The following GAREM1 variants were observed in gnomAD, a reference collection of about 807,000 sequenced individuals.
GAREM1 encodes GRB2-associated and regulator of MAPK protein 1.
Under a neutral mutation model 71.3 loss-of-function variants are expected in GAREM1, and 26 were observed. The ratio of observed to expected loss-of-function variants is 0.36; its 90% CI spans 0.27 to 0.51. The LOEUF is 0.51. Among genes scored for constraint, GAREM1 ranks in the 20% least tolerant of loss-of-function variants. GAREM1 has a pLI of 0.95. For synonymous variants in GAREM1, 440 were observed against 433.2 expected (o/e 1.02, Z -0.20); for missense variants, 1,026 against 1,103.1 (o/e 0.93, Z 0.99).
At chr18:32,306,231 TCTGGGACACCATATGCTC>T (rs1190963564) in intron 3 of GAREM1, among the ~76,000 whole-genome samples, 1 of 152,190 alleles carries the variant, frequency 6.6e-6, no homozygotes, top group Non-Finnish European at 1.5e-5. Context: ...AATCTTGGCT[TCTGGGACACCATATGCTC>T]CTGGCTGTCC....
intron 2 of GAREM1, among the ~76,000 whole-genome samples, chr18:32,385,411 T>G (rs964447941): frequency 1.3e-5 from 2 of 151,958 alleles, no homozygotes; most frequent in East Asian, 1.9e-4. Context: ...AAAGACTCTT[T>G]CCCCAGGCCT....
intron 2 of GAREM1, among the ~76,000 whole-genome samples, chr18:32,385,578 T>C (rs2048139003): frequency 2.0e-5 from 3 of 152,076 alleles, no homozygotes; most frequent in South Asian, 2.1e-4. Context: ...GTCTTATATA[T>C]CTACTTAATT....
intron 1 of GAREM1, among the ~76,000 whole-genome samples, chr18:32,468,770 T>C (rs1175335562): frequency 1.3e-5 from 2 of 152,166 alleles, no homozygotes; most frequent in African/African-American, 4.8e-5. Context: ...TGTGGCAGTG[T>C]GCAGAGATGA....
chr18:32,401,559 T>C (rs959852334), intron 1 of GAREM1, among the ~76,000 whole-genome samples: 7 of 151,012 alleles, frequency 4.6e-5, no homozygotes, highest in Non-Finnish European at 7.4e-5. Flanking sequence ...GAAGAATGAG[T>C]TGGGCTTAGA....
At chr18:32,308,844 A>G (rs2047284787) in intron 3 of GAREM1, among the ~76,000 whole-genome samples, 1 of 150,412 alleles carries the variant, frequency 6.6e-6, no homozygotes, top group South Asian at 2.1e-4. Context: ...AAGCAGCTGT[A>G]TTTTGGAACT....
intron 2 of GAREM1, among the ~76,000 whole-genome samples, chr18:32,356,996 T>C (rs2047812933): frequency 6.6e-6 from 1 of 152,172 alleles, no homozygotes; most frequent in Admixed American, 6.5e-5. Flanking sequence ...CCCCACAGCC[T>C]TCGTAGCACA....
intron 2 of GAREM1, among the ~76,000 whole-genome samples, chr18:32,313,205 G>A (rs113301736): frequency 2.3e-3 from 353 of 152,206 alleles, no homozygotes; most frequent in African/African-American, 8.1e-3. Context: ...GGATGTCACC[G>A]GGAGCAATTA....
chr18:32,396,596 A>G (rs2048259058), intron 1 of GAREM1, among the ~76,000 whole-genome samples: 1 of 152,204 alleles, frequency 6.6e-6, no homozygotes, highest in Non-Finnish European at 1.5e-5. Context: ...CGAGAAGAGA[A>G]GTTTAGAGAA....
At chr18:32,428,896 T>C (rs2048598658) in intron 1 of GAREM1, among the ~76,000 whole-genome samples, 1 of 152,136 alleles carries the variant, frequency 6.6e-6, no homozygotes, top group Non-Finnish European at 1.5e-5. Context: ...AATTCCCTGA[T>C]AGTCCTCTAT....
At position 32,309,284 on chromosome 18, in the gene GAREM1, G is replaced by A. The variant is rs770147257; in HGVS notation, c.393+909C>T. 8.7e-5 allele frequency among the ~76,000 whole-genome samples: 13 copies of A among 149,304 alleles called. 2 individuals are homozygous for A. The highest frequency in any genetic ancestry group is 2.5e-4 in the African/African-American group (10 of 40,076). On this transcript the variant is annotated intron_variant, in intron 3 of 5. Transcript: ENST00000269209. ...ACAGCAAGTCTAGTCAAAGGACCTC[G>A]GTCAACATCTGGACAAGGACTGCAC...
intron 2 of GAREM1, among the ~76,000 whole-genome samples, chr18:32,316,728 G>A (rs769790790): frequency 6.6e-6 from 1 of 152,196 alleles, no homozygotes; most frequent in Non-Finnish European, 1.5e-5. Context: ...GATTACAGGT[G>A]TGAGCCACCG....
intron 2 of GAREM1, among the ~76,000 whole-genome samples, chr18:32,350,001 G>A (rs961061822): frequency 6.6e-6 from 1 of 152,234 alleles, no homozygotes; most frequent in Non-Finnish European, 1.5e-5. Flanking sequence ...GAAGCAGAAC[G>A]AAGTCTTGTT....
In GAREM1 at chr18:32,268,234, C is replaced by T; in HGVS notation, c.2268G>A (p.Lys756=). 1 of 1,614,100 alleles carries T rather than the reference C, an allele frequency of 6.2e-7. No homozygotes were observed. Among genetic ancestry groups the T allele is most frequent in the Non-Finnish European group, 8.5e-7 (1 of 1,180,014 alleles). Residue 756 remains lysine, a synonymous_variant, in exon 6 of 6, where the codon AAG becomes AAA. Coordinates refer to ENST00000269209, the MANE Select transcript of GAREM1 (RefSeq NM_001242409.2). ...CCTCCGAGAGATCTGGTGACCCAGA[C>T]TTGGGGTCTTCCTCAGCACCATCAA... ...LKIDGAEEDP[K]SGSPDLSEDQ...
intron 2 of GAREM1, 100 bp from the exon 3 acceptor site, chr18:32,310,423 T>A (rs555528871): frequency 3.3e-6 from 4 of 1,203,468 alleles, no homozygotes; most frequent in Non-Finnish European, 4.6e-6. Flanking sequence ...CCTTTTTTTG[T>A]CAAAGATTCC....
chr18:32,392,734 C>T (rs529589040), intron 2 of GAREM1, among the ~76,000 whole-genome samples, 161 bp downstream of exon 2: 2 of 152,166 alleles, frequency 1.3e-5, no homozygotes, highest in African/African-American at 4.8e-5. Flanking sequence ...ATACTTCTAA[C>T]AAAATGAATC....
intron 1 of GAREM1, among the ~76,000 whole-genome samples, chr18:32,452,364 G>A (rs1191630374): frequency 6.6e-6 from 1 of 152,158 alleles, no homozygotes. Flanking sequence ...TCAGTATATT[G>A]CGGCTCTTCA....
chr18:32,410,988 A>C (rs1427946164), intron 1 of GAREM1, among the ~76,000 whole-genome samples: 1 of 152,176 alleles, frequency 6.6e-6, no homozygotes, highest in African/African-American at 2.4e-5. Context: ...TTTTTAGTCA[A>C]AATGGGGTTT....
chr18:32,467,536 G>C (rs866430716), intron 1 of GAREM1, among the ~76,000 whole-genome samples: 2 of 152,126 alleles, frequency 1.3e-5, no homozygotes, highest in African/African-American at 4.8e-5. Flanking sequence ...GTGTTGCTGA[G>C]GATTTGAGAC....
chr18:32,314,823 G>A (rs1433358042), intron 2 of GAREM1, among the ~76,000 whole-genome samples: 3 of 151,862 alleles, frequency 2.0e-5, no homozygotes, highest in Non-Finnish European at 2.9e-5. Context: ...TCCTGACCTC[G>A]TGATCCACCT....
Sources: allele counts gnomAD v4.1 joint callset (sites outside exome capture counted in the v4.1 genomes callset), GRCh38; gene constraint gnomAD v4.1.1; transcripts MANE v1.5; gene names NCBI Gene and HGNC (gene_info 2026-07-23, HGNC 2026-07-21).